CNBD1: variants seen among roughly 807,000 people sequenced by gnomAD.
CNBD1 encodes cyclic nucleotide-binding domain-containing protein 1.
CNBD1 carries 71 observed loss-of-function variants against 54.4 expected under a neutral mutation model. The observed-to-expected ratio is 1.30, with a 90% CI of 1.08 to 1.59. The LOEUF is 1.59. Ranked by LOEUF, CNBD1 falls within the 40% of genes most tolerant of loss-of-function variation. The probability of loss-of-function intolerance (pLI) is 0.00; values close to 1 mark genes in which losing one functional copy is unlikely to be tolerated. For synonymous variants in CNBD1, 182 were observed against 170.7 expected (o/e 1.07, Z -0.51); for missense variants, 659 against 518.0 (o/e 1.27, Z -2.64).
At chr8:87,111,956 G>A (rs957800287) in intron 4 of CNBD1, among the ~76,000 whole-genome samples, 13 of 152,272 alleles carry the variant, frequency 8.5e-5, no homozygotes, top group African/African-American at 3.1e-4. Context: ...TACCTACAGA[G>A]CACGTACAAC....
chr8:86,973,796 T>C (rs1210224447), intron 4 of CNBD1, among the ~76,000 whole-genome samples: 1 of 152,148 alleles, frequency 6.6e-6, no homozygotes, highest in Non-Finnish European at 1.5e-5. Context: ...CTTTTTCCAG[T>C]AGCATTGAAA....
chr8:87,387,687 G>T (rs1438236035), downstream of CNBD1, among the ~76,000 whole-genome samples: 2 of 152,074 alleles, frequency 1.3e-5, no homozygotes, highest in South Asian at 2.1e-4. Flanking sequence ...GTCAACATTA[G>T]ACAGATCAAT....
chr8:87,308,191 G>A (rs2130888367), intron 8 of CNBD1, among the ~76,000 whole-genome samples: 1 of 152,182 alleles, frequency 6.6e-6, no homozygotes, highest in East Asian at 1.9e-4. Flanking sequence ...CAATTTACTT[G>A]GGCCAGGGGA....
chr8:86,930,889 G>A (rs992690623), intron 3 of CNBD1, among the ~76,000 whole-genome samples: 1 of 152,136 alleles, frequency 6.6e-6, no homozygotes, highest in Non-Finnish European at 1.5e-5. Flanking sequence ...AAGGAAAAGC[G>A]GTGGGGTCTT....
intron 4 of CNBD1, among the ~76,000 whole-genome samples, chr8:86,982,678 C>T (rs547032129): frequency 6.6e-6 from 1 of 152,230 alleles, no homozygotes; most frequent in South Asian, 2.1e-4. Flanking sequence ...AACATTTTGT[C>T]ATGATTACAA....
chr8:87,002,678 T>C (rs1004972296), intron 4 of CNBD1, among the ~76,000 whole-genome samples: 3 of 152,126 alleles, frequency 2.0e-5, no homozygotes, highest in African/African-American at 7.2e-5. Flanking sequence ...TCTTGTCAGT[T>C]GACTTAAACT....
At chr8:87,223,519 A>G (rs1429906106) in intron 5 of CNBD1, among the ~76,000 whole-genome samples, 1 of 151,172 alleles carries the variant, frequency 6.6e-6, no homozygotes, top group Non-Finnish European at 1.5e-5. Flanking sequence ...GCGATAGTTT[A>G]CTGAGAATGA....
At chr8:86,927,061 T>TA (rs1490699614) in intron 3 of CNBD1, among the ~76,000 whole-genome samples, 4 of 152,086 alleles carry the variant, frequency 2.6e-5, no homozygotes, top group Admixed American at 1.3e-4. Context: ...AAGTTCCACA[T>TA]AAGAATATGC....
chr8:86,887,815 G>C (rs1352773365), intron 2 of CNBD1, among the ~76,000 whole-genome samples: 3 of 152,062 alleles, frequency 2.0e-5, no homozygotes, highest in Non-Finnish European at 4.4e-5. Context: ...AAACAATTTA[G>C]TGTGAAACAA....
At chr8:87,291,802 C>T (rs2130875343) in intron 8 of CNBD1, among the ~76,000 whole-genome samples, 1 of 152,246 alleles carries the variant, frequency 6.6e-6, no homozygotes, top group South Asian at 2.1e-4. Context: ...ATTATCTTAA[C>T]ACTCATTATG....
chr8:87,402,619 C>T (rs1202001990), intron 2 of CNBD1, among the ~76,000 whole-genome samples: 1 of 151,986 alleles, frequency 6.6e-6, no homozygotes, highest in Non-Finnish European at 1.5e-5. Flanking sequence ...CTCTTATAGT[C>T]TCTGATACAC....
At chr8:87,217,440 G>T (rs1049587266) in intron 5 of CNBD1, among the ~76,000 whole-genome samples, 1 of 151,924 alleles carries the variant, frequency 6.6e-6, no homozygotes, top group African/African-American at 2.4e-5. Context: ...ATTAGAATCA[G>T]AATGAGGATT....
intron 10 of CNBD1, among the ~76,000 whole-genome samples, chr8:87,375,741 T>A (rs1810916727): frequency 6.6e-6 from 1 of 151,926 alleles, no homozygotes; most frequent in African/African-American, 2.4e-5. Context: ...TCCCCAAAAA[T>A]TACTTATAGT....
At chr8:87,295,262 A>C (rs1808857910) in intron 8 of CNBD1, among the ~76,000 whole-genome samples, 1 of 151,842 alleles carries the variant, frequency 6.6e-6, no homozygotes, top group Non-Finnish European at 1.5e-5. Context: ...ATCAGTTTTG[A>C]CTTTGACAAA....
In CNBD1 at chr8:86,939,685, G is replaced by A. The variant is rs1200119941; in HGVS notation, c.362G>A (p.Gly121Asp). 1.2e-6 allele frequency: 2 copies of A among 1,604,476 alleles called. No homozygotes were observed. The highest frequency in any genetic ancestry group is 2.2e-5 in the East Asian group (1 of 44,606). ...GTCCATGTTCAGAGAGCACATGGTGGCCATATTTTATATAGACCAAAAAGA... is the reference window on the plus strand; with the variant it reads ...GTCCATGTTCAGAGAGCACATGGTGACCATATTTTATATAGACCAAAAAGA... ...IAVHVQRAHG[G>D]HILYRPKRAT... Residue 121 changes from glycine (G) to aspartate (D), a missense_variant, in exon 4 of 11, where the codon GGC becomes GAC. Gly to Asp is a moderately conservative substitution (Grantham distance 94). Coordinates refer to ENST00000518476, the MANE Select transcript of CNBD1 (RefSeq NM_173538.3).
chr8:87,428,157 A>G (rs1043048572), intron 2 of CNBD1, among the ~76,000 whole-genome samples: 1 of 152,016 alleles, frequency 6.6e-6, no homozygotes, highest in Non-Finnish European at 1.5e-5. Flanking sequence ...AAAAAAAGAA[A>G]AAAAAAAAGT....
chr8:87,243,497 G>A (rs1284012080), intron 6 of CNBD1, among the ~76,000 whole-genome samples: 1 of 152,026 alleles, frequency 6.6e-6, no homozygotes, highest in African/African-American at 2.4e-5. Flanking sequence ...CATTCCCTGC[G>A]GTCAGTGCTC....
chr8:86,951,560 A>G (rs1039678394), intron 4 of CNBD1, among the ~76,000 whole-genome samples: 2 of 125,968 alleles, frequency 1.6e-5, no homozygotes, highest in Non-Finnish European at 3.2e-5. Context: ...AGCCTGGGTG[A>G]CAGAGCGAGG....
At chr8:87,410,722 C>T (rs1442626773) in intron 2 of CNBD1, among the ~76,000 whole-genome samples, 1 of 152,106 alleles carries the variant, frequency 6.6e-6, no homozygotes, top group Non-Finnish European at 1.5e-5. Flanking sequence ...AACAGCATTG[C>T]TGCTACAGAG....
Sources: gnomAD v4.1 joint callset for allele counts (sites outside exome capture counted in the v4.1 genomes callset) on GRCh38, gnomAD v4.1.1 for gene constraint, MANE v1.5 for transcripts, NCBI Gene and HGNC (gene_info 2026-07-23, HGNC 2026-07-21) for gene names.